SLC8A3: variants seen among roughly 807,000 people sequenced by gnomAD.
The protein encoded by SLC8A3 is solute carrier family 8 member A3.
A neutral mutation model predicts 65.4 loss-of-function variants in SLC8A3; 37 were observed. The observed-to-expected ratio is 0.57, with a 90% CI of 0.44 to 0.74. The LOEUF (loss-of-function observed/expected upper bound fraction) is 0.74. SLC8A3 is among the 30% of genes least tolerant of loss of function. The pLI, the probability that SLC8A3 is intolerant of heterozygous loss-of-function variation, is 0.00. For synonymous variants in SLC8A3, 461 were observed against 444.5 expected, an observed-to-expected ratio of 1.04 and a Z score of -0.47; for missense variants, 1,112 against 1,172.1, an observed-to-expected ratio of 0.95 and a Z score of 0.75.
chr14:70,057,539 G>C (rs957331338), intron 3 of SLC8A3, among the ~76,000 whole-genome samples: 2 of 152,182 alleles, frequency 1.3e-5, no homozygotes, highest in African/African-American at 4.8e-5. Flanking sequence ...GTAGTGAGAA[G>C]GCCTGCAGTT....
At chr14:70,086,888 G>A (rs1304998201) in intron 2 of SLC8A3, among the ~76,000 whole-genome samples, 2 of 152,120 alleles carry the variant, frequency 1.3e-5, no homozygotes, top group East Asian at 3.9e-4. Flanking sequence ...CTCTTTCTGA[G>A]ATGAATCAGA....
intron 2 of SLC8A3, among the ~76,000 whole-genome samples, chr14:70,110,024 C>A (rs1046256078): frequency 4.0e-5 from 6 of 151,402 alleles, no homozygotes; most frequent in African/African-American, 1.5e-4. Flanking sequence ...TACTTTTGTT[C>A]TTTTATTTTC....
chr14:70,185,906 G>T (rs774918162), intron 1 of SLC8A3, among the ~76,000 whole-genome samples: 2 of 152,220 alleles, frequency 1.3e-5, no homozygotes, highest in Non-Finnish European at 2.9e-5. Context: ...ATGCCTGACA[G>T]AGTAGGTGGC....
chr14:70,178,807 A>G (rs536456297), intron 1 of SLC8A3, among the ~76,000 whole-genome samples: 4 of 152,178 alleles, frequency 2.6e-5, no homozygotes, highest in Non-Finnish European at 4.4e-5. Context: ...TTAATATTAC[A>G]TCTCTCACCT....
At chr14:70,055,918 G>A (rs1888061741) in intron 3 of SLC8A3, 1 of 1,010,960 alleles carries the variant, frequency 9.9e-7, no homozygotes, top group Non-Finnish European at 1.5e-6. Flanking sequence ...GCAGCATAAG[G>A]AAAGCAGAGA....
chr14:70,118,378 C>T (rs57023307), intron 2 of SLC8A3, among the ~76,000 whole-genome samples: 2,279 of 152,294 alleles, frequency 0.015, 52 homozygotes, highest in African/African-American at 0.052. Flanking sequence ...AAAACGTGAA[C>T]AAGAACCCTT....
At chr14:70,101,366 G>A (rs184033094) in intron 2 of SLC8A3, among the ~76,000 whole-genome samples, 26 of 152,296 alleles carry the variant, frequency 1.7e-4, no homozygotes, top group Admixed American at 1.4e-3. Flanking sequence ...AAAGAGAATG[G>A]TGGATCATTG....
At chr14:70,053,497 G>T (rs1887725863) in intron 3 of SLC8A3, among the ~76,000 whole-genome samples, 1 of 152,166 alleles carries the variant, frequency 6.6e-6, no homozygotes, top group African/African-American at 2.4e-5. Context: ...ATATCACAAT[G>T]CCTATCTTAG....
chr14:70,126,903 A>C (rs1282333929), intron 2 of SLC8A3, among the ~76,000 whole-genome samples: 1 of 97,558 alleles, frequency 1.0e-5, no homozygotes, highest in Non-Finnish European at 2.3e-5. Flanking sequence ...GCAAATATTC[A>C]AAAAAAAAAT....
In SLC8A3 at chr14:70,077,639, C is replaced by T. The variant is rs1399794238; in HGVS notation, c.1785-16700G>A. ...TAGGCAGAGGTGGCAACTGAATTTACTTCCTTCTAGCCCCATTCTGGATGC... is the reference window on the plus strand; with the variant it reads ...TAGGCAGAGGTGGCAACTGAATTTATTTCCTTCTAGCCCCATTCTGGATGC... On this transcript the variant is annotated intron_variant, in intron 2 of 6. Transcript: ENST00000356921. Among the ~76,000 whole-genome samples, 3 of 152,196 alleles carry T rather than the reference C, an allele frequency of 2.0e-5. No individual in the cohort carries two copies. The East Asian group carries it at 5.8e-4, about 29-fold the overall frequency.
At chr14:70,158,456 T>C (rs934544038) in intron 2 of SLC8A3, among the ~76,000 whole-genome samples, 39 of 152,226 alleles carry the variant, frequency 2.6e-4, no homozygotes, top group African/African-American at 3.9e-4. Context: ...TAGTCATCCA[T>C]AATCGACAAT....
At position 70,079,271 on chromosome 14, in the gene SLC8A3, G is replaced by A. The variant is rs568743174; in HGVS notation, c.1785-18332C>T. 2.7e-5 allele frequency among the ~76,000 whole-genome samples: 4 copies of A among 148,674 alleles called. No individual in the cohort carries two copies. The South Asian group carries it at 8.6e-4, about 32-fold the overall frequency. ...TGTGGAGGTGGGTGGATCACTTGGGGTCAGGAGTTCGAGACCAGCCTGGCC... is the reference window on the plus strand; with the variant it reads ...TGTGGAGGTGGGTGGATCACTTGGGATCAGGAGTTCGAGACCAGCCTGGCC... On this transcript the variant is annotated intron_variant, in intron 2 of 6. Transcript: ENST00000356921.
At chr14:70,083,944 G>A (rs1477170595) in intron 2 of SLC8A3, among the ~76,000 whole-genome samples, 1 of 152,210 alleles carries the variant, frequency 6.6e-6, no homozygotes, top group African/African-American at 2.4e-5. Context: ...TTACAACACA[G>A]AAGAGAAGTT....
intron 2 of SLC8A3, among the ~76,000 whole-genome samples, chr14:70,136,269 G>A (rs1207814150): frequency 6.6e-6 from 1 of 152,164 alleles, no homozygotes; most frequent in Non-Finnish European, 1.5e-5. Context: ...AGGTTTTGGA[G>A]GGAGCGCAGC....
chr14:70,125,592 G>C, intron 2 of SLC8A3, among the ~76,000 whole-genome samples: 1 of 149,992 alleles, frequency 6.7e-6, no homozygotes, highest in Non-Finnish European at 1.5e-5. Context: ...TGGACAGTTA[G>C]GTTGATTCCA....
In SLC8A3 at chr14:70,131,141, A is replaced by G. The variant is rs1007354540; in HGVS notation, c.1784+35498T>C. On this transcript the variant is annotated intron_variant, in intron 2 of 6. Transcript: ENST00000356921. ...AGGAGAATGCTCTGTTGTGGAGAAC[A>G]TGGGAGAAAGAGACTCCAAGAAGGC... is the stretch of plus-strand genomic sequence containing the variant. Among the ~76,000 whole-genome samples, 10 of 152,352 alleles carry G rather than the reference A, an allele frequency of 6.6e-5. No individual in the cohort carries two copies. In the East Asian group the frequency reaches 1.2e-3, roughly 18 times the overall value.
intron 2 of SLC8A3, among the ~76,000 whole-genome samples, chr14:70,140,027 T>C (rs1895463740): frequency 6.6e-6 from 1 of 151,982 alleles, no homozygotes; most frequent in Non-Finnish European, 1.5e-5. Flanking sequence ...GGTTTTGCCA[T>C]GACTTTTAAT....
chr14:70,055,101 G>A (rs768155516), intron 3 of SLC8A3, among the ~76,000 whole-genome samples: 23 of 152,082 alleles, frequency 1.5e-4, no homozygotes, highest in East Asian at 9.7e-4. Context: ...GTAGGTGTAC[G>A]TCCTCTATAG....
intron 2 of SLC8A3, among the ~76,000 whole-genome samples, chr14:70,121,479 G>A (rs868659189): frequency 6.6e-6 from 1 of 152,232 alleles, no homozygotes; most frequent in African/African-American, 2.4e-5. Flanking sequence ...GCTTTGACAT[G>A]TGGTTGCTGA....
Sources: allele counts gnomAD v4.1 joint callset (sites outside exome capture counted in the v4.1 genomes callset), GRCh38; gene constraint gnomAD v4.1.1; transcripts MANE v1.5; gene names NCBI Gene and HGNC (gene_info 2026-07-23, HGNC 2026-07-21).